Variants in ACVR2B observed in about 807,000 individuals in gnomAD.
ACVR2B encodes the protein activin A receptor type 2B, also known as activin receptor type-2B.
In ACVR2B, 18 loss-of-function variants were observed where a neutral mutation model predicts 65.1. That is an observed-to-expected ratio of 0.28 (90% CI 0.19 to 0.41). The LOEUF is 0.41. Among genes scored for constraint, ACVR2B ranks in the 10% least tolerant of loss-of-function variants. The pLI, the probability that ACVR2B is intolerant of heterozygous loss-of-function variation, is 1.00. For synonymous variants in ACVR2B, 298 were observed against 277.7 expected (o/e 1.07, Z -0.73); for missense variants, 482 against 682.7 (o/e 0.71, Z 3.28).
In ACVR2B at chr3:38,479,746, G is replaced by A. The variant is rs371729222; in HGVS notation, c.879G>A (p.Thr293=). The change falls in exon 7 of 11, where the codon ACG becomes ACA. Residue 293 remains threonine, a synonymous_variant. Coordinates refer to ENST00000352511, the MANE Select transcript of ACVR2B (RefSeq NM_001106.4). ...ACGAACTGTGTCATGTAGCAGAGACGATGTCACGAGGCCTCTCATACCTGC... is the reference window on the plus strand; with the variant it reads ...ACGAACTGTGTCATGTAGCAGAGACAATGTCACGAGGCCTCTCATACCTGC... ...TWNELCHVAE[T]MSRGLSYLHE... is the part of the protein sequence containing the mutation. 7 of 1,614,096 alleles carry A rather than the reference G, an allele frequency of 4.3e-6. No individual in the cohort carries two copies. Among genetic ancestry groups the A allele is most frequent in the East Asian group, 2.2e-5 (1 of 44,894 alleles).
At position 38,482,442 on chromosome 3, in the gene ACVR2B, A is replaced by C. The variant is rs147650411; in HGVS notation, c.1226A>C (p.Glu409Ala). 1 of 1,612,444 alleles carries C rather than the reference A, an allele frequency of 6.2e-7. No homozygotes were observed. The highest frequency in any genetic ancestry group is 8.5e-7 in the Non-Finnish European group (1 of 1,179,760). The change falls in exon 10 of 11, where the codon GAG becomes GCG. Residue 409 changes from glutamate (E) to alanine (A), a missense_variant. By Grantham distance (107) the Glu-to-Ala change is moderately radical (BLOSUM62 -1). Transcript: ENST00000352511. ...RCKAADGPVD[E>A]YMLPFEEEIG... ...CTCTTTCTCCTAGGACCCGTGGATG[A>C]GTACATGCTGCCCTTTGAGGAAGAG...
Sources: gnomAD v4.1 joint callset for allele counts on GRCh38, gnomAD v4.1.1 for gene constraint, MANE v1.5 for transcripts, NCBI Gene and HGNC (gene_info 2026-07-23, HGNC 2026-07-21) for gene names.